Variants in TGM2 observed in about 807,000 individuals in gnomAD.
TGM2 encodes protein-glutamine gamma-glutamyltransferase 2.
In TGM2, 53 loss-of-function variants were observed where a neutral mutation model predicts 75.6. That is an observed-to-expected ratio of 0.70 (90% CI 0.56 to 0.88). The LOEUF is 0.88. TGM2 is among the 40% of genes least tolerant of loss of function. TGM2 has a pLI of 0.00. For synonymous variants in TGM2, 374 were observed against 381.1 expected (o/e 0.98, Z 0.22); for missense variants, 842 against 928.5 (o/e 0.91, Z 1.21).
At chr20:38,133,149 A>C (rs896294225) in intron 10 of TGM2, 2 of 303,488 alleles carry the variant, frequency 6.6e-6, no homozygotes, top group South Asian at 6.3e-5. Context: ...TTAGAGTCCA[A>C]CAATATGGTC....
chr20:38,146,668 T>C (rs1426597103), intron 6 of TGM2, 49 bp downstream of exon 6: 1 of 1,608,664 alleles, frequency 6.2e-7, no homozygotes, highest in Admixed American at 1.7e-5. Flanking sequence ...CCAGTGCTCT[T>C]CGTGCCCCCT....
In TGM2 at chr20:38,146,762, C is replaced by T. The variant is rs762964053; in HGVS notation, c.814G>A (p.Val272Ile). 36 of 1,613,656 alleles carry T rather than the reference C, an allele frequency of 2.2e-5. 1 individual carries two copies. The highest frequency in any genetic ancestry group is 3.3e-4 in the Middle Eastern group (2 of 6,084). The stretch of plus-strand genomic sequence containing the variant: ...AAGACCCAGCACTGGCCATACTTGA[C>T]GCGCTGGCAGCCGTGGTTCTTCCAG... ...RRWKNHGCQR[V>I]KYGQCWVFAA... is the part of the protein sequence containing the mutation. The change falls in exon 6 of 13, where the codon GTC (valine) becomes ATC (isoleucine). Residue 272 changes from valine to isoleucine, a missense_variant. Physicochemically the swap from Val to Ile is conservative, Grantham distance 29. Transcript: ENST00000361475.
rs186709343 is a variant in TGM2, at chr20:38,157,416, C to T, written c.191-1327G>A. On this transcript the variant is annotated intron_variant, in intron 2 of 12. Transcript: ENST00000361475. ...GGCCTGGGGTCCCAGACCCACCCTACGTCTGGCTCCCTGACTCTGCCCCTG... is the reference window on the plus strand; with the variant it reads ...GGCCTGGGGTCCCAGACCCACCCTATGTCTGGCTCCCTGACTCTGCCCCTG... 2.2e-3 allele frequency among the ~76,000 whole-genome samples: 335 copies of T among 152,332 alleles called. 1 individual carries two copies. Among genetic ancestry groups the T allele is most frequent in the African/African-American group, 7.6e-3 (315 of 41,568 alleles).
Position 38,158,323 on chromosome 20 carries a change from G to A in TGM2, c.191-2234C>T, listed in dbSNP as rs45525631. On this transcript the variant is annotated intron_variant, in intron 2 of 12. Transcript: ENST00000361475. Reference sequence around the variant, plus strand: ...GTCCCACGGTCCACCCGCTGCTCACGTAAGCTGACTTCACAAATTCCTTGG... The same window carrying A: ...GTCCCACGGTCCACCCGCTGCTCACATAAGCTGACTTCACAAATTCCTTGG... 3.1e-3 allele frequency among the ~76,000 whole-genome samples: 473 copies of A among 152,310 alleles called. 3 individuals are homozygous for A. The highest frequency in any genetic ancestry group is 0.011 in the African/African-American group (439 of 41,562).
At chr20:38,131,352 C>CT in intron 11 of TGM2, 123 bp from the exon 12 acceptor site, 2 of 1,331,502 alleles carry the variant, frequency 1.5e-6, no homozygotes, top group Middle Eastern at 1.9e-4. Flanking sequence ...CACGATCACC[C>CT]CCCCTCCCCC....
chr20:38,148,709 C>T (rs760151067), intron 4 of TGM2, among the ~76,000 whole-genome samples: 2 of 152,212 alleles, frequency 1.3e-5, no homozygotes, highest in Non-Finnish European at 2.9e-5. Flanking sequence ...CTCACACCCA[C>T]ACTCACTCTG....
chr20:38,133,989 T>G (rs1381068531), intron 10 of TGM2, among the ~76,000 whole-genome samples: 1 of 151,790 alleles, frequency 6.6e-6, no homozygotes, highest in Non-Finnish European at 1.5e-5. Flanking sequence ...CCAGATACAG[T>G]GATGTGCTGT....
Position 38,131,119 on chromosome 20 carries a change from C to T in TGM2, c.1887G>A (p.Leu629=), listed in dbSNP as rs2235581. 0.012 allele frequency: 19,685 copies of T among 1,613,290 alleles called. 366 individuals carry two copies. Among genetic ancestry groups the T allele is most frequent in the East Asian group, 0.085 (3,791 of 44,858 alleles). ...TCTCCACCGTCTTCTGCTCCTCAGT[C>T]AGGCCGGCCCCCTCCACAGTGAAGG... ...GCTFTVEGAG[L]TEEQKTVEIP... The change falls in exon 12 of 13, where the codon CTG becomes CTA. Residue 629 remains leucine (L), a synonymous_variant. Coordinates refer to ENST00000361475, the MANE Select transcript of TGM2 (RefSeq NM_004613.4).
intron 3 of TGM2, among the ~76,000 whole-genome samples, chr20:38,151,523 T>C (rs2075115519): frequency 6.6e-6 from 1 of 152,218 alleles, no homozygotes. Flanking sequence ...TCTGCCCACC[T>C]TAACACCTCA....
In TGM2 at chr20:38,129,648, C is replaced by A. The variant is rs2074802529; in HGVS notation, c.*571G>T. The stretch of plus-strand genomic sequence containing the variant: ...GGAGGCACCCAGCACATAGTAGGTG[C>A]TTCACAATGGTGAGGTTGAGGGGGA... On this transcript the variant is annotated 3_prime_UTR_variant, in exon 13 of 13. Transcript: ENST00000361475. 1 of 155,010 alleles carries A rather than the reference C, an allele frequency of 6.5e-6. No individual in the cohort carries two copies. The highest frequency in any genetic ancestry group is 1.4e-5 in the Non-Finnish European group (1 of 69,758). 9.6% of individuals were successfully genotyped at this position (155,010 alleles called of 1,614,324 possible). A position where few individuals can be genotyped will look rare whatever the true frequency, so the allele number is the denominator to read the frequency against.
At chr20:38,132,878 T>G (rs967971629) in intron 10 of TGM2, 1 of 460,564 alleles carries the variant, frequency 2.2e-6, no homozygotes, top group African/African-American at 2.0e-5. Context: ...AAGAGCCTGG[T>G]GCGCTCGGGA....
At chr20:38,139,315 C>T (rs2074939676) in intron 9 of TGM2, 97 bp downstream of exon 9, 42 of 1,579,924 alleles carry the variant, frequency 2.7e-5, no homozygotes, top group Non-Finnish European at 3.6e-5. Context: ...CGTAGGCTAC[C>T]AATTAAAACA....
intron 10 of TGM2, among the ~76,000 whole-genome samples, chr20:38,137,757 C>A (rs1040031978): frequency 1.3e-5 from 2 of 152,166 alleles, no homozygotes; most frequent in Non-Finnish European, 2.9e-5. Context: ...GAGAGGGCAG[C>A]AGAGGGTCTG....
At chr20:38,150,802 C>A in intron 4 of TGM2, 137 bp downstream of exon 4, 2 of 790,526 alleles carry the variant, frequency 2.5e-6, no homozygotes, top group South Asian at 2.7e-5. Flanking sequence ...TGTTTCAGGG[C>A]CTTTGCATCC....
intron 2 of TGM2, among the ~76,000 whole-genome samples, chr20:38,157,664 G>T (rs1402009792): frequency 6.6e-6 from 1 of 152,226 alleles, no homozygotes; most frequent in East Asian, 1.9e-4. Flanking sequence ...GAAGCTTAAA[G>T]AGGACAGGCA....
chr20:38,162,871 G>C (rs895979402), intron 1 of TGM2, among the ~76,000 whole-genome samples: 2 of 152,202 alleles, frequency 1.3e-5, no homozygotes, highest in Admixed American at 6.5e-5. Context: ...GTCTATTTTT[G>C]TGTATGTTCA....
At chr20:38,140,734 A>G (rs1251428308) in intron 8 of TGM2, among the ~76,000 whole-genome samples, 1 of 152,248 alleles carries the variant, frequency 6.6e-6, no homozygotes, top group Non-Finnish European at 1.5e-5. Flanking sequence ...ATGTTATTAT[A>G]TCATAAATTC....
At chr20:38,146,347 T>C in intron 6 of TGM2, 1 of 367,990 alleles carries the variant, frequency 2.7e-6, no homozygotes, top group Non-Finnish European at 5.2e-6. Flanking sequence ...GTCCCCATTT[T>C]CCAGACGAGG....
chr20:38,156,207 T>C, intron 2 of TGM2, 118 bp from the exon 3 acceptor site: 2 of 1,304,482 alleles, frequency 1.5e-6, no homozygotes, highest in Non-Finnish European at 2.1e-6. Context: ...ACCACTGAAA[T>C]AAGTTTGGCA....
Sources: allele counts gnomAD v4.1 joint callset (sites outside exome capture counted in the v4.1 genomes callset), GRCh38; gene constraint gnomAD v4.1.1; transcripts MANE v1.5; gene names NCBI Gene and HGNC (gene_info 2026-07-23, HGNC 2026-07-21).